Variants in EPS15 observed in about 807,000 individuals in gnomAD.
The protein encoded by EPS15 is epidermal growth factor receptor pathway substrate 15, also known as epidermal growth factor receptor substrate 15.
EPS15 carries 72 observed loss-of-function variants against 113.8 expected under a neutral mutation model. That is an observed-to-expected ratio of 0.63 (90% CI 0.52 to 0.77). The LOEUF is 0.77. EPS15 is among the 30% of genes least tolerant of loss of function. The pLI, the probability that EPS15 is intolerant of heterozygous loss-of-function variation, is 0.00. For missense variants in EPS15, 1,048 were observed against 1,045.8 expected (o/e 1.00, Z -0.03); for synonymous variants, 344 against 363.4 (o/e 0.95, Z 0.61).
intron 8 of EPS15, among the ~76,000 whole-genome samples, chr1:51,457,016 T>C (rs1431720700): frequency 6.6e-6 from 1 of 152,162 alleles, no homozygotes. Flanking sequence ...CCAGGCACAG[T>C]GGCTCAAGCC....
rs557790604 is a variant in EPS15 at position 51,500,997 on chromosome 1, TAAAG to T, written c.33+18198_33+18201del. Among the ~76,000 whole-genome samples, 61 of 139,504 alleles carry T rather than the reference TAAAG, an allele frequency of 4.4e-4. No homozygotes were observed. In the East Asian group the frequency reaches 7.0e-3, roughly 16 times the overall value. 91.5% of individuals were successfully genotyped at this position (139,504 alleles called of 152,430 possible). On this transcript the variant is annotated intron_variant, in intron 1 of 24. Transcript: ENST00000371733. The stretch of plus-strand genomic sequence containing the variant: ...AAAACTCCATCTCAAAAAAAAAAAA[TAAAG>T]AAAGAAAATTGACAATCTCTCTGGG...
At chr1:51,457,064 T>C (rs1654053175) in intron 8 of EPS15, among the ~76,000 whole-genome samples, 1 of 152,002 alleles carries the variant, frequency 6.6e-6, no homozygotes, top group Admixed American at 6.6e-5. Flanking sequence ...GGCGGGCAGA[T>C]CACGAGGTCA....
At chr1:51,358,699 GT>G (rs1181151202) in intron 24 of EPS15, among the ~76,000 whole-genome samples, 47 of 129,342 alleles carry the variant, frequency 3.6e-4, no homozygotes, top group Non-Finnish European at 7.5e-4. Context: ...AACCAGATTT[GT>G]TTTTTTTTGT....
At position 51,447,116 on chromosome 1, in the gene EPS15, G is replaced by GT. The variant is rs1553128164; in HGVS notation, c.652-12_652-11insA. The GT allele has an allele frequency of 8.9e-6, 14 of 1,575,792 alleles. No homozygotes were observed. Among genetic ancestry groups the GT allele is most frequent in the Non-Finnish European group, 1.1e-5 (13 of 1,167,624 alleles). Reference sequence around the variant, plus strand: ...AGGGGATACAACCCACTACAGGGAGGAAAAAAAACAGTATTTCTGCCAAAA... The same window carrying GT: ...AGGGGATACAACCCACTACAGGGAGGTAAAAAAAACAGTATTTCTGCCAAAA... On this transcript the variant is annotated splice_polypyrimidine_tract_variant and intron_variant, in intron 9 of 24. Coordinates refer to ENST00000371733, the MANE Select transcript of EPS15 (RefSeq NM_001981.3).
intron 1 of EPS15, among the ~76,000 whole-genome samples, chr1:51,499,148 G>C (rs2148548052): frequency 6.6e-6 from 1 of 152,250 alleles, no homozygotes; most frequent in Non-Finnish European, 1.5e-5. Flanking sequence ...CTCCAGAACT[G>C]GAAGAAATAA....
At chr1:51,457,401 T>C (rs751643863) in intron 8 of EPS15, 15 of 151,588 alleles carry the variant, frequency 9.9e-5, no homozygotes, top group Non-Finnish European at 1.9e-4. Flanking sequence ...GTTTTCAACA[T>C]AGGAGAAATA....
At position 51,463,635 on chromosome 1, in the gene EPS15, T is replaced by C. The variant is rs748716632; in HGVS notation, c.501+38A>G. The C allele has an allele frequency of 9.5e-6, 12 of 1,259,286 alleles. No homozygotes were observed. The South Asian group carries it at 1.6e-4, about 17-fold the overall frequency. 78.0% of individuals were successfully genotyped at this position (1,259,286 alleles called of 1,614,324 possible). A position where few individuals can be genotyped will look rare whatever the true frequency, so the allele number is the denominator to read the frequency against. ...TGGCATAATAGATATAAAATTAAAA[T>C]ACATAAAAATTACATTTCGGAGTAA... is the stretch of plus-strand genomic sequence containing the variant. On this transcript the variant is annotated intron_variant, in intron 7 of 24. Transcript: ENST00000371733.
chr1:51,475,317 AT>A (rs1445968673), intron 2 of EPS15, among the ~76,000 whole-genome samples: 1 of 151,986 alleles, frequency 6.6e-6, no homozygotes, highest in African/African-American at 2.4e-5. Flanking sequence ...AAGTGTTCCT[AT>A]TTCTCCACAT....
At chr1:51,416,718 C>T (rs957482080) in intron 13 of EPS15, among the ~76,000 whole-genome samples, 3 of 152,060 alleles carry the variant, frequency 2.0e-5, no homozygotes, top group South Asian at 4.2e-4. Context: ...GTCAGATGTA[C>T]AACTGATGAA....
chr1:51,379,635 G>T (rs1458374690), intron 21 of EPS15, among the ~76,000 whole-genome samples: 1 of 152,142 alleles, frequency 6.6e-6, no homozygotes, highest in Non-Finnish European at 1.5e-5. Context: ...ATGCTAAAGG[G>T]GCTGGGAGCA....
chr1:51,413,875 A>G (rs545872412), intron 13 of EPS15, among the ~76,000 whole-genome samples: 1 of 152,190 alleles, frequency 6.6e-6, no homozygotes, highest in African/African-American at 2.4e-5. Context: ...CAGCCTCCCA[A>G]GTAGCTGAGG....
intron 1 of EPS15, among the ~76,000 whole-genome samples, chr1:51,500,715 T>C (rs978197650): frequency 6.6e-6 from 1 of 152,130 alleles, no homozygotes. Context: ...TCGGGTGCAG[T>C]GGCTCACGTC....
chr1:51,476,711 G>C (rs1643912034), intron 2 of EPS15, among the ~76,000 whole-genome samples: 1 of 151,702 alleles, frequency 6.6e-6, no homozygotes, highest in Non-Finnish European at 1.5e-5. Context: ...GTTCTGCTCT[G>C]ATCTTAGTTA....
chr1:51,449,142 T>C (rs1397469770), intron 8 of EPS15, among the ~76,000 whole-genome samples: 1 of 152,198 alleles, frequency 6.6e-6, no homozygotes, highest in African/African-American at 2.4e-5. Flanking sequence ...TGCACACATA[T>C]GTTCATCACA....
chr1:51,474,085 T>G lies in EPS15; in HGVS notation c.76-1137A>C, dbSNP rs74874262. ...TGATCAAACTCTTATGAAATCATTA[T>G]GTACTGTATCCCAATTAAGAATTTT... On this transcript the variant is annotated intron_variant, in intron 2 of 24. Transcript: ENST00000371733. Among the ~76,000 whole-genome samples, 77 of 152,370 alleles carry G rather than the reference T, an allele frequency of 5.1e-4. 1 individual carries two copies. In the East Asian group the frequency reaches 8.5e-3, roughly 17 times the overall value.
chr1:51,489,619 T>A (rs1237705908), intron 1 of EPS15, among the ~76,000 whole-genome samples: 1 of 152,148 alleles, frequency 6.6e-6, no homozygotes, highest in Non-Finnish European at 1.5e-5. Flanking sequence ...GTTTCCCTCT[T>A]GTATACACAG....
At chr1:51,443,257 A>C (rs940385411) in intron 11 of EPS15, among the ~76,000 whole-genome samples, 11 of 152,042 alleles carry the variant, frequency 7.2e-5, no homozygotes, top group African/African-American at 2.7e-4. Flanking sequence ...CATATCTAAA[A>C]TTTGTGTTGG....
At chr1:51,389,065 CTCAA>C (rs1295608820) in intron 21 of EPS15, among the ~76,000 whole-genome samples, 2 of 152,088 alleles carry the variant, frequency 1.3e-5, no homozygotes, top group African/African-American at 4.8e-5. Flanking sequence ...TGCAAAAATC[CTCAA>C]TCAAATACTG....
chr1:51,370,488 C>T (rs573735019), intron 21 of EPS15, among the ~76,000 whole-genome samples: 1 of 152,170 alleles, frequency 6.6e-6, no homozygotes, highest in African/African-American at 2.4e-5. Context: ...TTTAGATTTT[C>T]AAATTTTAGA....
Sources: allele counts gnomAD v4.1 joint callset (sites outside exome capture counted in the v4.1 genomes callset), GRCh38; gene constraint gnomAD v4.1.1; transcripts MANE v1.5; gene names NCBI Gene and HGNC (gene_info 2026-07-23, HGNC 2026-07-21).